MMS22L: variants seen among roughly 807,000 people sequenced by gnomAD.
MMS22L encodes the protein protein MMS22-like.
In MMS22L, 74 loss-of-function variants were observed where a neutral mutation model predicts 159.1. That is an observed-to-expected ratio of 0.47 (90% confidence interval 0.39 to 0.56). MMS22L has a LOEUF of 0.56. Among genes scored for constraint, MMS22L ranks in the 20% least tolerant of loss-of-function variants. The pLI, the probability that MMS22L is intolerant of heterozygous loss-of-function variation, is 0.00. For synonymous variants in MMS22L, 517 were observed against 506.9 expected (o/e 1.02, Z -0.27); for missense variants, 1,351 against 1,422.1 (o/e 0.95, Z 0.80).
At chr6:97,263,003 C>T (rs751785641) in intron 9 of MMS22L, among the ~76,000 whole-genome samples, 2 of 151,956 alleles carry the variant, frequency 1.3e-5, no homozygotes, top group African/African-American at 2.4e-5. Flanking sequence ...CTAAATCTGC[C>T]GTATTTCCTG....
intron 15 of MMS22L, among the ~76,000 whole-genome samples, chr6:97,185,112 C>T (rs1305233079): frequency 6.6e-6 from 1 of 152,126 alleles, no homozygotes; most frequent in Non-Finnish European, 1.5e-5. Context: ...TTCCTGACCA[C>T]TCTATTTAAA....
chr6:97,152,089 G>C (rs1200907536), intron 22 of MMS22L, among the ~76,000 whole-genome samples: 1 of 151,846 alleles, frequency 6.6e-6, no homozygotes. Flanking sequence ...CTACTTTTTA[G>C]TCTGAAATAA....
At chr6:97,265,438 G>T (rs1362425178) in intron 8 of MMS22L, 1 of 152,072 alleles carries the variant, frequency 6.6e-6, no homozygotes, top group East Asian at 1.9e-4. Flanking sequence ...ACAATGGTCT[G>T]GTAAATGATT....
chr6:97,168,055 A>G lies in MMS22L; in HGVS notation c.3009+16T>C, dbSNP rs150808152. On this transcript the variant is annotated intron_variant, in intron 20 of 24. Coordinates refer to ENST00000683635, the MANE Select transcript of MMS22L (RefSeq NM_001350599.2). Reference sequence around the variant, plus strand: ...TATTTTTTTTTTAAACTTTTAAGCAACCACAGATACTATACCTGGAGATAC... The same window carrying G: ...TATTTTTTTTTTAAACTTTTAAGCAGCCACAGATACTATACCTGGAGATAC... 2.0e-5 allele frequency: 31 copies of G among 1,568,586 alleles called. No homozygotes were observed. In the African/African-American group the frequency reaches 3.0e-4, roughly 15 times the overall value.
chr6:97,225,884 T>C (rs554606094), intron 14 of MMS22L, among the ~76,000 whole-genome samples: 1 of 152,294 alleles, frequency 6.6e-6, no homozygotes, highest in Non-Finnish European at 1.5e-5. Flanking sequence ...TTTCTTATCT[T>C]AGAATGCTTT....
intron 10 of MMS22L, chr6:97,254,320 C>A (rs1813549329): frequency 5.0e-6 from 2 of 396,338 alleles, no homozygotes; most frequent in Non-Finnish European, 4.5e-6. Flanking sequence ...CACAATTGTT[C>A]AGTAGCAGGG....
At chr6:97,270,333 T>A (rs144912754) in intron 6 of MMS22L, 2 of 461,348 alleles carry the variant, frequency 4.3e-6, no homozygotes, top group Non-Finnish European at 8.6e-6. Context: ...TAATTTTGTT[T>A]TAGAATTTAG....
At chr6:97,174,199 G>C (rs1003478848) in intron 18 of MMS22L, among the ~76,000 whole-genome samples, 1 of 150,056 alleles carries the variant, frequency 6.7e-6, no homozygotes, top group Admixed American at 6.7e-5. Flanking sequence ...GTTGCAGTGA[G>C]CCAAGATCGC....
At chr6:97,155,320 ATTG>A (rs2128236437) in intron 22 of MMS22L, among the ~76,000 whole-genome samples, 2 of 33,084 alleles carry the variant, frequency 6.0e-5, no homozygotes, top group South Asian at 2.3e-3. Flanking sequence ...AAATTTTTAA[ATTG>A]TTATTATTAC....
intron 11 of MMS22L, among the ~76,000 whole-genome samples, chr6:97,237,131 GA>G (rs1811506200): frequency 6.6e-6 from 1 of 152,080 alleles, no homozygotes. Context: ...AAAGAAAAAT[GA>G]AAAGTGAAAA....
Position 97,197,968 on chromosome 6 carries a change from G to A in MMS22L, c.2040-11278C>T, listed in dbSNP as rs533157641. On this transcript the variant is annotated intron_variant, in intron 14 of 24. Transcript: ENST00000683635. ...GCTATTCCACTGTTTGCTGAAAAAC[G>A]TGTAATTTTTAAAATATGGCCACAA... 5.3e-5 allele frequency among the ~76,000 whole-genome samples: 8 copies of A among 152,016 alleles called. 1 individual carries two copies. In the South Asian group the frequency reaches 6.2e-4, roughly 12 times the overall value.
At chr6:97,188,514 CTA>C (rs769862898) in intron 14 of MMS22L, among the ~76,000 whole-genome samples, 1 of 152,148 alleles carries the variant, frequency 6.6e-6, no homozygotes, top group Non-Finnish European at 1.5e-5. Context: ...AGTAGGAAAG[CTA>C]AATATGCCCA....
chr6:97,204,937 CTTTTTTTTTTTTTT>C (rs1222516541), intron 14 of MMS22L, among the ~76,000 whole-genome samples: 3 of 52,360 alleles, frequency 5.7e-5, no homozygotes, highest in African/African-American at 2.3e-4. Flanking sequence ...TGTACAGTGT[CTTTTTTTTTTTTTT>C]TTTTTTTTTT....
Position 97,145,470 on chromosome 6 carries a change from A to G in MMS22L, c.*1336T>C, listed in dbSNP as rs926926076. ...AGACTATAATCCCAAGAAGGAAACA[A>G]AGTACTTCAAAGTTAGAAAACATGA... On this transcript the variant is annotated 3_prime_UTR_variant, in exon 25 of 25. Coordinates refer to ENST00000683635, the MANE Select transcript of MMS22L (RefSeq NM_001350599.2). 6.6e-6 allele frequency: 1 copy of G among 152,242 alleles called. No homozygotes were observed. Among genetic ancestry groups the G allele is most frequent in the African/African-American group, 2.4e-5 (1 of 41,458 alleles). The allele number at this position is 152,242 out of a possible 1,614,324, so 9.4% of individuals were successfully genotyped here.
At chr6:97,247,025 G>GTT (rs1312597903) in intron 10 of MMS22L, among the ~76,000 whole-genome samples, 16 of 62,320 alleles carry the variant, frequency 2.6e-4, no homozygotes, top group East Asian at 1.1e-3. Context: ...TATTTTTGGT[G>GTT]TTTGTTTTTT....
At chr6:97,257,766 A>AT (rs148211788) in intron 9 of MMS22L, among the ~76,000 whole-genome samples, 4,630 of 152,194 alleles carry the variant, frequency 0.03, 125 homozygotes, top group East Asian at 0.18. Flanking sequence ...ATGGTACATG[A>AT]TATCAATCTG....
At chr6:97,206,854 A>G (rs1257511765) in intron 14 of MMS22L, among the ~76,000 whole-genome samples, 1 of 152,192 alleles carries the variant, frequency 6.6e-6, no homozygotes, top group Admixed American at 6.5e-5. Flanking sequence ...GTAGAATAAC[A>G]GTTATCTAAA....
chr6:97,214,515 T>C (rs1388047544), intron 14 of MMS22L, among the ~76,000 whole-genome samples: 2 of 152,168 alleles, frequency 1.3e-5, no homozygotes, highest in Non-Finnish European at 2.9e-5. Flanking sequence ...ATAGTAGTTC[T>C]CTCAGCATGG....
At chr6:97,230,936 T>A (rs1810795537) in intron 13 of MMS22L, 1 of 157,644 alleles carries the variant, frequency 6.3e-6, no homozygotes, top group South Asian at 1.8e-4. Flanking sequence ...GGTGGTGTAC[T>A]GCACAAAGAA....
Sources: gnomAD v4.1 joint callset for allele counts (sites outside exome capture counted in the v4.1 genomes callset) on GRCh38, gnomAD v4.1.1 for gene constraint, MANE v1.5 for transcripts, NCBI Gene and HGNC (gene_info 2026-07-23, HGNC 2026-07-21) for gene names.